NUMB: variants seen among roughly 807,000 people sequenced by gnomAD.
NUMB encodes NUMB endocytic adaptor protein.
In NUMB, 29 loss-of-function variants were observed where a neutral mutation model predicts 59.7. The ratio of observed to expected loss-of-function variants is 0.49; its 90% CI spans 0.36 to 0.66. The LOEUF (loss-of-function observed/expected upper bound fraction) is 0.66. Among genes scored for constraint, NUMB ranks in the 30% least tolerant of loss-of-function variants. NUMB has a pLI of 0.00. For missense variants in NUMB, 723 were observed against 822.0 expected (o/e 0.88, Z 1.47); for synonymous variants, 288 against 288.2 (o/e 1.00, Z 0.01).
At chr14:73,318,141 G>A (rs1318380685) in intron 5 of NUMB, among the ~76,000 whole-genome samples, 1 of 152,168 alleles carries the variant, frequency 6.6e-6, no homozygotes, top group African/African-American at 2.4e-5. Flanking sequence ...ATAACCATAA[G>A]CTTTCAAGGA....
At chr14:73,405,636 C>T (rs997948181) in intron 2 of NUMB, among the ~76,000 whole-genome samples, 2 of 151,830 alleles carry the variant, frequency 1.3e-5, no homozygotes, top group African/African-American at 4.8e-5. Context: ...ATGTGTCAGT[C>T]CCCAGGTCAT....
intron 1 of NUMB, among the ~76,000 whole-genome samples, chr14:73,414,044 T>C (rs1897016453): frequency 6.7e-6 from 1 of 150,306 alleles, no homozygotes; most frequent in Non-Finnish European, 1.5e-5. Flanking sequence ...AACCTCCACC[T>C]CTCGGGTTCA....
At chr14:73,331,654 C>T (rs969335851) in intron 4 of NUMB, among the ~76,000 whole-genome samples, 6 of 152,098 alleles carry the variant, frequency 3.9e-5, no homozygotes, top group Non-Finnish European at 5.9e-5. Flanking sequence ...ATCAAGGGCA[C>T]GACAAGGTGG....
chr14:73,404,008 A>G (rs895118796), intron 2 of NUMB, among the ~76,000 whole-genome samples: 1 of 150,524 alleles, frequency 6.6e-6, no homozygotes, highest in Non-Finnish European at 1.5e-5. Context: ...CAGAAGAATC[A>G]CTTGAACCCC....
At chr14:73,295,991 G>C (rs972760682) in intron 7 of NUMB, among the ~76,000 whole-genome samples, 7 of 152,114 alleles carry the variant, frequency 4.6e-5, no homozygotes, top group African/African-American at 1.7e-4. Flanking sequence ...AGGTTAATTA[G>C]TTCAAATATC....
intron 7 of NUMB, among the ~76,000 whole-genome samples, chr14:73,294,178 T>C (rs779399470): frequency 6.6e-6 from 1 of 152,198 alleles, no homozygotes; most frequent in Non-Finnish European, 1.5e-5. Flanking sequence ...TGGAAAACTC[T>C]TATCTTTTGA....
intron 1 of NUMB, among the ~76,000 whole-genome samples, chr14:73,455,675 T>C (rs1350468203): frequency 2.0e-5 from 3 of 152,238 alleles, no homozygotes; most frequent in Non-Finnish European, 4.4e-5. Context: ...TTTATATTAG[T>C]GTAAGGATAA....
intron 1 of NUMB, among the ~76,000 whole-genome samples, chr14:73,448,975 T>C (rs1274372263): frequency 6.7e-6 from 1 of 149,232 alleles, no homozygotes; most frequent in Admixed American, 6.9e-5. Context: ...ATTCAACCAA[T>C]CTTGCATCAA....
chr14:73,362,489 G>T (rs1381003785), intron 3 of NUMB, among the ~76,000 whole-genome samples: 1 of 152,042 alleles, frequency 6.6e-6, no homozygotes, highest in Non-Finnish European at 1.5e-5. Context: ...TGTCACCCAG[G>T]CTGGAGTACA....
chr14:73,339,111 G>A (rs1892500089), intron 4 of NUMB, among the ~76,000 whole-genome samples: 1 of 151,988 alleles, frequency 6.6e-6, no homozygotes, highest in East Asian at 1.9e-4. Context: ...TATTGTTAGG[G>A]CCATTTACGT....
At chr14:73,330,105 C>T (rs1162477534) in intron 4 of NUMB, among the ~76,000 whole-genome samples, 1 of 152,198 alleles carries the variant, frequency 6.6e-6, no homozygotes, top group Admixed American at 6.5e-5. Context: ...GTGGTCCAAA[C>T]ATAGTTAACT....
At chr14:73,361,403 T>G (rs1438302339) in intron 3 of NUMB, among the ~76,000 whole-genome samples, 1 of 152,254 alleles carries the variant, frequency 6.6e-6, no homozygotes, top group African/African-American at 2.4e-5. Flanking sequence ...TGTCAAAGCC[T>G]GTGCTATGAT....
intron 4 of NUMB, among the ~76,000 whole-genome samples, chr14:73,330,652 G>A (rs1195164935): frequency 6.6e-6 from 1 of 152,164 alleles, no homozygotes; most frequent in Non-Finnish European, 1.5e-5. Flanking sequence ...TTAGAACCAT[G>A]CCCCACACAT....
chr14:73,372,932 A>G (rs2140060452), intron 2 of NUMB, among the ~76,000 whole-genome samples: 1 of 152,262 alleles, frequency 6.6e-6, no homozygotes, highest in South Asian at 2.1e-4. Flanking sequence ...TGGAGGTGAA[A>G]TACAGTTAGG....
At chr14:73,448,396 T>C (rs1028994636) in intron 1 of NUMB, among the ~76,000 whole-genome samples, 1 of 152,230 alleles carries the variant, frequency 6.6e-6, no homozygotes, top group South Asian at 2.1e-4. Flanking sequence ...CTTGCTACGT[T>C]GCCCAGGCTT....
chr14:73,433,493 T>C (rs1897922359), intron 1 of NUMB, among the ~76,000 whole-genome samples: 1 of 152,108 alleles, frequency 6.6e-6, no homozygotes, highest in African/African-American at 2.4e-5. Flanking sequence ...TTCATCAACT[T>C]CCTTTTTCAC....
rs544763735 is a variant in NUMB at position 73,282,408 on chromosome 14, C to T, written c.1047G>A (p.Pro349=). ...CCACCACTGTCACTGGTTTGGTCAT[C>T]GGAGCAGATGAGAAGGGGTCCTCAG... ...STPEDPFSSA[P]MTKPVTVVAP... is the part of the protein sequence containing the mutation. The change falls in exon 11 of 13, where the codon CCG becomes CCA. Residue 349 remains proline (P), a synonymous_variant. Transcript: ENST00000555238. The T allele has an allele frequency of 3.0e-5, 49 of 1,614,166 alleles. No homozygotes were observed. Among genetic ancestry groups the T allele is most frequent in the South Asian group, 2.2e-4 (20 of 91,082 alleles).
At chr14:73,451,855 C>G (rs1404988486) in intron 1 of NUMB, among the ~76,000 whole-genome samples, 1 of 152,150 alleles carries the variant, frequency 6.6e-6, no homozygotes, top group East Asian at 1.9e-4. Flanking sequence ...CCTAATTAAA[C>G]TAGAAATGTT....
intron 6 of NUMB, chr14:73,298,521 T>C (rs1027949950): frequency 1.3e-5 from 2 of 152,212 alleles, no homozygotes; most frequent in African/African-American, 4.8e-5. Flanking sequence ...ATTCCTCCTG[T>C]GATGGAATGT....
Sources: allele counts gnomAD v4.1 joint callset (sites outside exome capture counted in the v4.1 genomes callset), GRCh38; gene constraint gnomAD v4.1.1; transcripts MANE v1.5; gene names NCBI Gene and HGNC (gene_info 2026-07-23, HGNC 2026-07-21).